Variants in GABRR2 observed in about 807,000 individuals in gnomAD.
GABRR2 encodes gamma-aminobutyric acid receptor subunit rho-2.
A neutral mutation model predicts 47.0 loss-of-function variants in GABRR2; 36 were observed. The observed-to-expected ratio is 0.77, with a 90% confidence interval of 0.59 to 1.01. GABRR2 has a LOEUF of 1.01. Ranked by LOEUF, GABRR2 falls within the 50% of genes least tolerant of loss-of-function variation. The pLI, the probability that GABRR2 is intolerant of heterozygous loss-of-function variation, is 0.00. For synonymous variants in GABRR2, 204 were observed against 227.5 expected (o/e 0.90, Z 0.93); for missense variants, 587 against 594.6 (o/e 0.99, Z 0.13).
chr6:89,263,561 C>T (rs918479228), intron 8 of GABRR2, among the ~76,000 whole-genome samples: 11 of 152,298 alleles, frequency 7.2e-5, no homozygotes, highest in Admixed American at 6.5e-5. Context: ...CTTGCTCTGT[C>T]GCCCAGGCTG....
At chr6:89,283,371 G>A (rs146748348) in intron 2 of GABRR2, among the ~76,000 whole-genome samples, 5 of 152,102 alleles carry the variant, frequency 3.3e-5, no homozygotes, top group Admixed American at 6.6e-5. Flanking sequence ...CAAAATAGTG[G>A]AAACAATTTA....
intron 1 of GABRR2, among the ~76,000 whole-genome samples, chr6:89,304,572 G>A (rs1280930320): frequency 1.4e-5 from 2 of 144,884 alleles, no homozygotes; most frequent in African/African-American, 5.2e-5. Flanking sequence ...CTGGGTGAGA[G>A]AGTGAGACTC....
At chr6:89,281,401 A>G (rs1316028902) in intron 2 of GABRR2, among the ~76,000 whole-genome samples, 1 of 152,232 alleles carries the variant, frequency 6.6e-6, no homozygotes, top group African/African-American at 2.4e-5. Flanking sequence ...GGCCACAGGC[A>G]CTGGAGAAAG....
chr6:89,311,773 T>A (rs1422042120), intron 1 of GABRR2, among the ~76,000 whole-genome samples: 1 of 152,116 alleles, frequency 6.6e-6, no homozygotes, highest in Non-Finnish European at 1.5e-5. Flanking sequence ...CATCTTCACA[T>A]CATCCCCATG....
chr6:89,288,598 G>A (rs536624725), intron 2 of GABRR2, among the ~76,000 whole-genome samples: 7 of 152,318 alleles, frequency 4.6e-5, no homozygotes, highest in East Asian at 1.9e-4. Flanking sequence ...CACTGTCTTA[G>A]GGTGGCTTAT....
chr6:89,295,432 A>G (rs1774536843), intron 2 of GABRR2, among the ~76,000 whole-genome samples: 2 of 152,096 alleles, frequency 1.3e-5, no homozygotes, highest in South Asian at 4.1e-4. Context: ...GGCTGCATTA[A>G]TGTCTTTTGA....
intron 1 of GABRR2, among the ~76,000 whole-genome samples, chr6:89,300,745 CAAAAAAAAAAAA>C (rs56360515): frequency 1.3e-5 from 1 of 76,388 alleles, no homozygotes; most frequent in African/African-American, 5.3e-5. Flanking sequence ...GCGTACCAAC[CAAAAAAAAAAAA>C]AAAAAAAAAG....
At chr6:89,280,448 C>A (rs1774240908) in intron 2 of GABRR2, among the ~76,000 whole-genome samples, 1 of 151,936 alleles carries the variant, frequency 6.6e-6, no homozygotes, top group Admixed American at 6.6e-5. Context: ...CTGCCAACCT[C>A]TTAGCACTGG....
intron 4 of GABRR2, 107 bp downstream of exon 4, chr6:89,268,904 C>T (rs1027204872): frequency 5.7e-5 from 53 of 935,066 alleles, no homozygotes; most frequent in Middle Eastern, 2.6e-4. Context: ...TCCTCCCATC[C>T]ACGAACCCAC....
intron 2 of GABRR2, among the ~76,000 whole-genome samples, chr6:89,280,211 AATAT>A (rs35295435): frequency 0.035 from 3,807 of 109,956 alleles, 95 homozygotes; most frequent in Non-Finnish European, 0.043. Flanking sequence ...TCTAAAAACA[AATAT>A]ATATATATAT....
At chr6:89,303,073 G>A (rs1430603875) in intron 1 of GABRR2, 10 of 829,606 alleles carry the variant, frequency 1.2e-5, no homozygotes, top group Admixed American at 1.9e-5. Flanking sequence ...TGAGATGTTC[G>A]CAGATGAGGA....
chr6:89,308,844 A>G (rs1382021698), intron 1 of GABRR2, among the ~76,000 whole-genome samples: 1 of 152,218 alleles, frequency 6.6e-6, no homozygotes, highest in African/African-American at 2.4e-5. Flanking sequence ...CTACGTTTCT[A>G]TAGAGCCCCT....
chr6:89,259,914 T>G (rs1176528725), intron 8 of GABRR2, among the ~76,000 whole-genome samples: 1 of 151,532 alleles, frequency 6.6e-6, no homozygotes, highest in Non-Finnish European at 1.5e-5. Context: ...TTTTGTTTTT[T>G]TTGTTTTTTA....
At chr6:89,289,872 G>T (rs1774405302) in intron 2 of GABRR2, among the ~76,000 whole-genome samples, 3 of 152,212 alleles carry the variant, frequency 2.0e-5, no homozygotes, top group African/African-American at 7.2e-5. Context: ...TCTGGTGAGG[G>T]CCTCGTGCCA....
chr6:89,261,635 G>C (rs916458335), intron 8 of GABRR2, among the ~76,000 whole-genome samples: 1 of 152,200 alleles, frequency 6.6e-6, no homozygotes, highest in African/African-American at 2.4e-5. Flanking sequence ...TAGGGCCAGG[G>C]TGAAGTCACA....
At chr6:89,264,737 G>A (rs568052898) in intron 7 of GABRR2, 129 bp from the exon 8 acceptor site, 53 of 1,199,900 alleles carry the variant, frequency 4.4e-5, no homozygotes, top group Middle Eastern at 2.0e-4. Context: ...TTTCCACCTC[G>A]GAGAGGGGCA....
rs183410841 is a variant in GABRR2, at chr6:89,255,092, T to C, written c.*2578A>G. Among the ~76,000 whole-genome samples the C allele has an allele frequency of 1.2e-3, 184 of 152,314 alleles. 1 individual carries two copies. The highest frequency in any genetic ancestry group is 3.8e-3 in the African/African-American group (158 of 41,562). On this transcript the variant is annotated 3_prime_UTR_variant, in exon 9 of 9. Coordinates refer to ENST00000402938, the MANE Select transcript of GABRR2 (RefSeq NM_002043.5). ...AGCAATATGATATATTTAATGACAA[T>C]AGAATTATCATTCTTCGAGCAGCAC...
chr6:89,262,456 G>C (rs976296741), intron 8 of GABRR2, among the ~76,000 whole-genome samples: 4 of 152,148 alleles, frequency 2.6e-5, no homozygotes, highest in African/African-American at 9.7e-5. Context: ...CCTGTTTCCA[G>C]GTCTTTACAG....
chr6:89,311,841 G>A (rs951044686), intron 1 of GABRR2, among the ~76,000 whole-genome samples: 5 of 152,206 alleles, frequency 3.3e-5, no homozygotes, highest in African/African-American at 1.2e-4. Flanking sequence ...GAGAGAGCAG[G>A]AAACATGGCC....
Sources: gnomAD v4.1 joint callset for allele counts (sites outside exome capture counted in the v4.1 genomes callset) on GRCh38, gnomAD v4.1.1 for gene constraint, MANE v1.5 for transcripts, NCBI Gene and HGNC (gene_info 2026-07-23, HGNC 2026-07-21) for gene names.